The following PDE7B variants were observed in gnomAD, a reference collection of about 807,000 sequenced individuals.
The protein encoded by PDE7B is phosphodiesterase 7B, also known as 3',5'-cyclic-AMP phosphodiesterase 7B.
In PDE7B, 29 loss-of-function variants were observed where a neutral mutation model predicts 56.2. The observed-to-expected ratio is 0.52, with a 90% CI of 0.38 to 0.70. The LOEUF (loss-of-function observed/expected upper bound fraction) is 0.70. Ranked by LOEUF, PDE7B falls within the 30% of genes least tolerant of loss-of-function variation. The probability of loss-of-function intolerance (pLI) is 0.00; values close to 1 mark genes in which losing one functional copy is unlikely to be tolerated. For synonymous variants in PDE7B, 197 were observed against 196.9 expected, an observed-to-expected ratio of 1.00 and a Z score of 0.00; for missense variants, 490 against 565.0, an observed-to-expected ratio of 0.87 and a Z score of 1.35.
intron 8 of PDE7B, among the ~76,000 whole-genome samples, chr6:136,156,718 T>C (rs923882165): frequency 6.5e-4 from 99 of 152,314 alleles, no homozygotes; most frequent in African/African-American, 2.2e-3. Context: ...GTCCTATAGC[T>C]GGCTAGAAAA....
chr6:135,862,990 G>T (rs1375599484), intron 1 of PDE7B, among the ~76,000 whole-genome samples: 5 of 151,704 alleles, frequency 3.3e-5, no homozygotes, highest in Non-Finnish European at 7.4e-5. Flanking sequence ...TTTTGTCTTT[G>T]TTTCCTAGTA....
intron 1 of PDE7B, among the ~76,000 whole-genome samples, chr6:135,901,557 T>C (rs377497349): frequency 4.6e-5 from 7 of 152,048 alleles, no homozygotes; most frequent in African/African-American, 1.7e-4. Flanking sequence ...CTTCTTCCTG[T>C]CTCCAAGAGG....
At chr6:136,160,458 T>C (rs905905666) in intron 8 of PDE7B, among the ~76,000 whole-genome samples, 26 of 152,254 alleles carry the variant, frequency 1.7e-4, no homozygotes, top group African/African-American at 6.3e-4. Flanking sequence ...GGATACAGCA[T>C]TCTTATCTCT....
intron 7 of PDE7B, among the ~76,000 whole-genome samples, chr6:136,155,025 C>G (rs541409677): frequency 2.0e-5 from 3 of 152,260 alleles, no homozygotes; most frequent in African/African-American, 7.2e-5. Flanking sequence ...AAACATTGTA[C>G]TATGTCATAC....
At chr6:136,011,803 T>A (rs1274073869) in intron 2 of PDE7B, among the ~76,000 whole-genome samples, 1 of 152,202 alleles carries the variant, frequency 6.6e-6, no homozygotes, top group African/African-American at 2.4e-5. Context: ...GATGTGCAGG[T>A]ATCTGTGGTC....
intron 1 of PDE7B, among the ~76,000 whole-genome samples, chr6:135,946,803 C>T (rs1257026732): frequency 6.6e-6 from 1 of 152,046 alleles, no homozygotes; most frequent in Non-Finnish European, 1.5e-5. Context: ...AGTACTAACG[C>T]TTTGTCAATA....
chr6:136,038,447 G>A, intron 2 of PDE7B: 1 of 1,290,250 alleles, frequency 7.8e-7, no homozygotes, highest in Non-Finnish European at 1.0e-6. Context: ...GGTAAAGCTG[G>A]TTTGGAAATC....
intron 1 of PDE7B, among the ~76,000 whole-genome samples, chr6:135,918,046 T>C (rs1466979347): frequency 6.6e-6 from 1 of 152,212 alleles, no homozygotes; most frequent in African/African-American, 2.4e-5. Flanking sequence ...GGTTAATATT[T>C]GTCCAAGTCT....
chr6:136,190,981 T>C (rs1779213057), intron 12 of PDE7B, among the ~76,000 whole-genome samples: 1 of 150,202 alleles, frequency 6.7e-6, no homozygotes, highest in Admixed American at 6.6e-5. Flanking sequence ...CTCCATCCCT[T>C]CTCCGCCTGC....
intron 2 of PDE7B, among the ~76,000 whole-genome samples, chr6:135,960,966 A>G (rs1194051708): frequency 6.6e-6 from 1 of 152,198 alleles, no homozygotes; most frequent in Non-Finnish European, 1.5e-5. Flanking sequence ...CTCTTGGGCT[A>G]AACCTGACCT....
chr6:135,937,829 GC>G (rs1774447567), intron 1 of PDE7B, among the ~76,000 whole-genome samples: 1 of 152,148 alleles, frequency 6.6e-6, no homozygotes, highest in South Asian at 2.1e-4. Context: ...CATGGGAGGA[GC>G]AAAATCTTCC....
chr6:136,133,390 T>C (rs561748355), intron 3 of PDE7B, among the ~76,000 whole-genome samples: 1 of 152,116 alleles, frequency 6.6e-6, no homozygotes. Flanking sequence ...AAGATGCACT[T>C]ATAATCATTT....
chr6:136,060,415 A>C (rs756026233), intron 2 of PDE7B, among the ~76,000 whole-genome samples: 3 of 152,216 alleles, frequency 2.0e-5, no homozygotes, highest in Non-Finnish European at 2.9e-5. Flanking sequence ...AGTAGTATGC[A>C]TGAGAAGTAT....
At chr6:135,948,874 GA>G (rs1562449519) in intron 2 of PDE7B, among the ~76,000 whole-genome samples, 2 of 147,428 alleles carry the variant, frequency 1.4e-5, no homozygotes, top group Non-Finnish European at 3.0e-5. Context: ...TAGATAGATA[GA>G]TAGATAGATA....
chr6:136,122,859 CTG>C (rs939929181), intron 3 of PDE7B, among the ~76,000 whole-genome samples: 42 of 152,216 alleles, frequency 2.8e-4, no homozygotes, highest in African/African-American at 9.4e-4. Flanking sequence ...AGATCATCCT[CTG>C]TATCTCTCTG....
intron 2 of PDE7B, chr6:136,038,373 C>CG (rs1457399532): frequency 1.5e-6 from 2 of 1,291,668 alleles, no homozygotes; most frequent in African/African-American, 1.5e-5. Flanking sequence ...CCCTCCTCCC[C>CG]GGGAAGCCGG....
intron 3 of PDE7B, among the ~76,000 whole-genome samples, chr6:136,143,282 A>G (rs1778358770): frequency 6.6e-6 from 1 of 152,022 alleles, no homozygotes; most frequent in Non-Finnish European, 1.5e-5. Context: ...TATTTATGGT[A>G]GGCCTAGGCA....
intron 3 of PDE7B, among the ~76,000 whole-genome samples, chr6:136,141,359 T>C (rs1227448428): frequency 1.3e-5 from 2 of 152,196 alleles, no homozygotes; most frequent in Non-Finnish European, 2.9e-5. Flanking sequence ...GCTGCTGGAT[T>C]GGGTTTGCCA....
At position 136,147,370 on chromosome 6, in the gene PDE7B, G is replaced by T. The variant is rs776312140; in HGVS notation, c.186G>T (p.Glu62Asp). 8 of 1,612,630 alleles carry T rather than the reference G, an allele frequency of 5.0e-6. No individual in the cohort carries two copies. The African/African-American group carries it at 6.7e-5, about 13-fold the overall frequency. The part of the protein sequence containing the change: ...RLLNSTTYSG[E>D]IGTKKKVKRL... ...CCACAGGTACAACATACTCAGGGGAGATTGGCACCAAGAAAAAGGTGAAAA... is the reference window on the plus strand; with the variant it reads ...CCACAGGTACAACATACTCAGGGGATATTGGCACCAAGAAAAAGGTGAAAA... The change falls in exon 4 of 13, where the codon GAG (glutamate) becomes GAT (aspartate). Residue 62 changes from glutamate to aspartate, a missense_variant. Physicochemically the swap from Glu to Asp is conservative, Grantham distance 45. Transcript: ENST00000308191.
Sources: allele counts gnomAD v4.1 joint callset (sites outside exome capture counted in the v4.1 genomes callset), GRCh38; gene constraint gnomAD v4.1.1; transcripts MANE v1.5; gene names NCBI Gene and HGNC (gene_info 2026-07-23, HGNC 2026-07-21).